The following MAPK10 variants were observed in gnomAD, a reference collection of about 807,000 sequenced individuals.
The protein encoded by MAPK10 is mitogen-activated protein kinase 10.
In MAPK10, 25 loss-of-function variants were observed where a neutral mutation model predicts 59.3. That is an observed-to-expected ratio of 0.42 (90% CI 0.31 to 0.59). MAPK10 has a LOEUF of 0.59. Ranked by LOEUF, MAPK10 falls within the 20% of genes least tolerant of loss-of-function variation. The pLI, the probability that MAPK10 is intolerant of heterozygous loss-of-function variation, is 0.15. For synonymous variants in MAPK10, 190 were observed against 200.5 expected (o/e 0.95, Z 0.44); for missense variants, 351 against 568.9 (o/e 0.62, Z 3.90).
intron 1 of MAPK10, among the ~76,000 whole-genome samples, chr4:86,551,669 G>A (rs1179286654): frequency 6.6e-6 from 1 of 151,502 alleles, no homozygotes; most frequent in Non-Finnish European, 1.5e-5. Flanking sequence ...GCAGTGCTGC[G>A]ATCTTGGCTC....
intron 1 of MAPK10, among the ~76,000 whole-genome samples, chr4:86,527,337 A>G (rs1013343150): frequency 1.3e-5 from 2 of 148,728 alleles, no homozygotes; most frequent in Non-Finnish European, 3.0e-5. Flanking sequence ...AAAAAAAAAA[A>G]AAAGTAGGCA....
At chr4:86,100,058 T>C (rs1580238447) in intron 8 of MAPK10, 1 of 152,200 alleles carries the variant, frequency 6.6e-6, no homozygotes, top group East Asian at 1.9e-4. Context: ...GGCCAGGGAA[T>C]TTTCACAAAA....
intron 1 of MAPK10, among the ~76,000 whole-genome samples, chr4:86,359,330 G>A (rs993881191): frequency 1.5e-5 from 2 of 135,240 alleles, no homozygotes; most frequent in African/African-American, 5.5e-5. Flanking sequence ...GTGTGTGTGT[G>A]TTTCTCTCTC....
chr4:86,052,202 A>T (rs1354477165), intron 11 of MAPK10, among the ~76,000 whole-genome samples: 1 of 152,210 alleles, frequency 6.6e-6, no homozygotes, highest in Non-Finnish European at 1.5e-5. Context: ...CAGATGAAAG[A>T]GCATTTTAAT....
At chr4:86,312,652 A>C (rs1327355396) in intron 2 of MAPK10, among the ~76,000 whole-genome samples, 3 of 152,116 alleles carry the variant, frequency 2.0e-5, no homozygotes, top group Non-Finnish European at 4.4e-5. Context: ...ATATTAAGTG[A>C]TATCTAACAA....
intron 1 of MAPK10, among the ~76,000 whole-genome samples, chr4:86,550,374 TAAAAAAAAAAAAAAA>T (rs753508493): frequency 0.16 from 12,003 of 77,332 alleles, 963 homozygotes; most frequent in South Asian, 0.33. Context: ...GAGCTTCAGT[TAAAAAAAAAAAAAAA>T]AAAAAAAAAA....
rs560855481 is a variant in MAPK10 at position 86,532,946 on chromosome 4, C to T, written c.-263+60964G>A. Among the ~76,000 whole-genome samples, 3 of 152,268 alleles carry T rather than the reference C, an allele frequency of 2.0e-5. No homozygotes were observed. The South Asian group carries it at 6.2e-4, about 32-fold the overall frequency. On this transcript the variant is annotated intron_variant, in intron 1 of 4. Coordinates refer to the MAPK10 transcript ENST00000502302. Reference sequence around the variant, plus strand: ...CCTTTGTGTTGGCTACCACAGTATCCTACCTCTACTAATGACTTTGCATAT... The same window carrying T: ...CCTTTGTGTTGGCTACCACAGTATCTTACCTCTACTAATGACTTTGCATAT...
At chr4:86,221,812 G>C (rs1222070467) in intron 2 of MAPK10, among the ~76,000 whole-genome samples, 2 of 152,148 alleles carry the variant, frequency 1.3e-5, no homozygotes. Context: ...ATGTTCAATT[G>C]TAATCCCTAG....
intron 4 of MAPK10, among the ~76,000 whole-genome samples, chr4:86,129,805 T>C (rs966120484): frequency 2.0e-5 from 3 of 152,106 alleles, no homozygotes; most frequent in South Asian, 2.1e-4. Flanking sequence ...TTTGGGAACA[T>C]GAGGCAGCAA....
intron 1 of MAPK10, among the ~76,000 whole-genome samples, chr4:86,484,576 T>C (rs1753849240): frequency 6.6e-6 from 1 of 152,142 alleles, no homozygotes; most frequent in Non-Finnish European, 1.5e-5. Context: ...CACCCAAAGA[T>C]AAATGAGGTA....
At chr4:86,418,970 T>C (rs1215459030) in intron 1 of MAPK10, among the ~76,000 whole-genome samples, 1 of 152,114 alleles carries the variant, frequency 6.6e-6, no homozygotes, top group Non-Finnish European at 1.5e-5. Flanking sequence ...TGCAAAGGGA[T>C]AAGAACGGTA....
intron 13 of MAPK10, chr4:86,024,535 G>C (rs1749173437): frequency 6.6e-6 from 1 of 152,098 alleles, no homozygotes; most frequent in Non-Finnish European, 1.5e-5. Flanking sequence ...TATTTCCCCT[G>C]CTTCTTTTTA....
At chr4:86,110,426 T>G (rs1024578285) in intron 4 of MAPK10, among the ~76,000 whole-genome samples, 1 of 152,192 alleles carries the variant, frequency 6.6e-6, no homozygotes, top group Non-Finnish European at 1.5e-5. Context: ...AGAGGTCCAG[T>G]TTCAATTTTC....
intron 1 of MAPK10, among the ~76,000 whole-genome samples, chr4:86,368,127 A>T (rs1227934544): frequency 6.6e-6 from 1 of 152,182 alleles, no homozygotes; most frequent in Admixed American, 6.5e-5. Flanking sequence ...AGTTCCCAAT[A>T]AGGGTAAACT....
At chr4:86,184,771 A>AGTCCCTT (rs144452040) in intron 3 of MAPK10, among the ~76,000 whole-genome samples, 1 of 152,040 alleles carries the variant, frequency 6.6e-6, no homozygotes, top group African/African-American at 2.4e-5. Context: ...AAGCTTCCTG[A>AGTCCCTT]ACCAGAAGCA....
At chr4:86,142,363 CAT>C (rs1380515993) in intron 4 of MAPK10, among the ~76,000 whole-genome samples, 1 of 152,164 alleles carries the variant, frequency 6.6e-6, no homozygotes, top group Non-Finnish European at 1.5e-5. Context: ...CAGAGAGACA[CAT>C]GTTTATATTT....
At chr4:86,109,620 T>G (rs972902952) in intron 4 of MAPK10, among the ~76,000 whole-genome samples, 4 of 152,246 alleles carry the variant, frequency 2.6e-5, no homozygotes, top group Non-Finnish European at 5.9e-5. Flanking sequence ...CACATTTTCT[T>G]TATCCAGTCT....
At chr4:86,387,142 A>T (rs1280545293) in intron 1 of MAPK10, among the ~76,000 whole-genome samples, 1 of 152,192 alleles carries the variant, frequency 6.6e-6, no homozygotes, top group Admixed American at 6.5e-5. Flanking sequence ...TTTATTATGC[A>T]CTTCATGGCT....
chr4:86,480,555 T>C (rs1753525952), intron 1 of MAPK10, among the ~76,000 whole-genome samples: 1 of 152,144 alleles, frequency 6.6e-6, no homozygotes, highest in African/African-American at 2.4e-5. Flanking sequence ...CAGGAATCTT[T>C]GTAAATACTC....
Sources: gnomAD v4.1 joint callset for allele counts (sites outside exome capture counted in the v4.1 genomes callset) on GRCh38, gnomAD v4.1.1 for gene constraint, MANE v1.5 for transcripts, NCBI Gene and HGNC (gene_info 2026-07-23, HGNC 2026-07-21) for gene names.